The following VPS51 variants were observed in gnomAD, a reference collection of about 807,000 sequenced individuals.
VPS51 encodes the protein vacuolar protein sorting-associated protein 51 homolog.
VPS51 carries 55 observed loss-of-function variants against 65.1 expected under a neutral mutation model. The observed-to-expected ratio is 0.84, with a 90% CI of 0.68 to 1.06. The LOEUF is 1.06. VPS51 is among the 50% of genes least tolerant of loss of function. The pLI, the probability that VPS51 is intolerant of heterozygous loss-of-function variation, is 0.00. For missense variants in VPS51, 943 were observed against 1,101.6 expected, an observed-to-expected ratio of 0.86 and a Z score of 2.04; for synonymous variants, 473 against 489.5, an observed-to-expected ratio of 0.97 and a Z score of 0.44.
chr11:65,109,161 G>A (rs1947869026), intron 5 of VPS51, 119 bp from the exon 6 acceptor site: 2 of 1,187,644 alleles, frequency 1.7e-6, no homozygotes, highest in Admixed American at 5.2e-5. Context: ...TACTTAGAAT[G>A]TAGGATGATG....
At position 65,111,503 on chromosome 11, in the gene VPS51, AGTG is replaced by A. The variant is rs1565319422; in HGVS notation, c.2270_2272del (p.Val757del). On this transcript the variant is annotated inframe_deletion, in exon 10 of 10. Transcript: ENST00000279281. ...AACTCGTGCACTTGCTGCTGGACGAAGTGGTGGCCTCTGCTGCCCTGCGCTGCC... is the reference window on the plus strand; with the variant it reads ...AACTCGTGCACTTGCTGCTGGACGAAGTGGCCTCTGCTGCCCTGCGCTGCC... The A allele has an allele frequency of 6.2e-7, 1 of 1,613,770 alleles. No individual in the cohort carries two copies. The highest frequency in any genetic ancestry group is 1.1e-5 in the South Asian group (1 of 91,090).
At position 65,111,326 on chromosome 11, in the gene VPS51, G is replaced by A; in HGVS notation, c.2089-1G>A. 6.2e-7 allele frequency: 1 copy of A among 1,602,482 alleles called. No homozygotes were observed. The highest frequency in any genetic ancestry group is 8.5e-7 in the Non-Finnish European group (1 of 1,179,696). ...CTGCATCCCTGTGTCCCTGCCTGCAGGTGTCGGTGCTGACCGGCATCATCA... is the reference window on the plus strand; with the variant it reads ...CTGCATCCCTGTGTCCCTGCCTGCAAGTGTCGGTGCTGACCGGCATCATCA... On this transcript the variant is annotated splice_acceptor_variant, in intron 9 of 9. Transcript: ENST00000279281. LOFTEE classifies it high-confidence loss of function.
Position 65,107,278 on chromosome 11 carries a change from G to A in VPS51, c.359-303G>A. The A allele has an allele frequency of 1.8e-6, 1 of 550,710 alleles. No individual in the cohort carries two copies. 34.1% of individuals were successfully genotyped at this position (550,710 alleles called of 1,614,324 possible). On this transcript the variant is annotated intron_variant, in intron 2 of 9. Transcript: ENST00000279281. The surrounding 1 kb of genome is among the most constrained non-coding windows in gnomAD (Gnocchi z 4.0). Reference sequence around the variant, plus strand: ...ATGGAGCAGTTGAGGCACAGTGGTGGCAGCTGGCTAAGCACCTGCGGCCTG... The same window carrying A: ...ATGGAGCAGTTGAGGCACAGTGGTGACAGCTGGCTAAGCACCTGCGGCCTG...
chr11:65,105,371 G>A (rs1196052), intron 2 of VPS51: 135,646 of 151,368 alleles, frequency 0.9, 61,138 homozygotes, highest in Middle Eastern at 0.96. Context: ...CCTGGGCGAC[G>A]GAGGGAGACC....
chr11:65,110,547 C>G lies in VPS51; in HGVS notation c.1944C>G (p.Phe648Leu), dbSNP rs1228872948. 3.7e-6 allele frequency: 6 copies of G among 1,614,060 alleles called. No homozygotes were observed. Among genetic ancestry groups the G allele is most frequent in the Non-Finnish European group, 5.1e-6 (6 of 1,180,008 alleles). Reference sequence around the variant, plus strand: ...GCAGCGACTCCAGCAAGAGGACTTTCTCCGTGTACAGCAGCTCTCGGCAGC... The same window carrying G: ...GCAGCGACTCCAGCAAGAGGACTTTGTCCGTGTACAGCAGCTCTCGGCAGC... ...AQSSDSSKRTFSVYSSSRQQG... is the reference protein window; with the variant it reads ...AQSSDSSKRTLSVYSSSRQQG... Residue 648 changes from phenylalanine to leucine, a missense_variant, in exon 8 of 10, where the codon TTC becomes TTG. Phe to Leu is a conservative substitution (Grantham distance 22). Coordinates refer to ENST00000279281, the MANE Select transcript of VPS51 (RefSeq NM_013265.4).
chr11:65,111,190 T>G lies in VPS51; in HGVS notation c.2089-137T>G, dbSNP rs1420274589. On this transcript the variant is annotated intron_variant, in intron 9 of 9. Coordinates refer to ENST00000279281, the MANE Select transcript of VPS51 (RefSeq NM_013265.4). The stretch of plus-strand genomic sequence containing the variant: ...CGGCGCTAATATTGTATCCCTCCCT[T>G]CTTATCTGGCCCCGGAGACTTTCTG... The G allele has an allele frequency of 3.8e-6, 5 of 1,331,176 alleles. No homozygotes were observed. In the Middle Eastern group the frequency reaches 5.3e-4, roughly 142 times the overall value. The allele number at this position is 1,331,176 out of a possible 1,614,324, so 82.5% of individuals were successfully genotyped here. A position where few individuals can be genotyped will look rare whatever the true frequency, so the allele number is the denominator to read the frequency against.
rs772067181 is a variant in VPS51 at position 65,096,451 on chromosome 11, C to G, written c.201C>G (p.His67Gln). 136 of 1,439,550 alleles carry G rather than the reference C, an allele frequency of 9.4e-5. No individual in the cohort carries two copies. Among genetic ancestry groups the G allele is most frequent in the Non-Finnish European group, 9.8e-5 (107 of 1,086,946 alleles). 89.2% of individuals were successfully genotyped at this position (1,439,550 alleles called of 1,614,324 possible). ...ACCCGACTGATCTGAACGGGGCGCA[C>G]TTCGACCCGGAAGTTTACCTAGACA... ...PLDPTDLNGA[H>Q]FDPEVYLDKL... Residue 67 changes from histidine (H) to glutamine (Q), a missense_variant, in exon 1 of 10, where the codon CAC becomes CAG. Coordinates refer to ENST00000279281, the MANE Select transcript of VPS51 (RefSeq NM_013265.4).
At chr11:65,110,360 C>T (rs1275158770) in intron 7 of VPS51, 122 bp from the exon 8 acceptor site, 2 of 1,535,008 alleles carry the variant, frequency 1.3e-6, no homozygotes, top group Non-Finnish European at 1.8e-6. Context: ...TAGCGGGCCC[C>T]GCGGTGATTA....
At chr11:65,109,128 C>G in intron 5 of VPS51, 152 bp from the exon 6 acceptor site, 1 of 1,048,400 alleles carries the variant, frequency 9.5e-7, no homozygotes, top group African/African-American at 1.6e-5. Flanking sequence ...TCTCTGCCCC[C>G]ACTCAGGGAA....
chr11:65,099,591 T>A (rs1442942598), intron 2 of VPS51, among the ~76,000 whole-genome samples: 1 of 151,170 alleles, frequency 6.6e-6, no homozygotes, highest in East Asian at 1.9e-4. Flanking sequence ...CCCAGGAGTT[T>A]GAGACCAGCC....
intron 9 of VPS51, 167 bp downstream of exon 9, chr11:65,110,948 C>A: frequency 1.3e-6 from 1 of 757,820 alleles, no homozygotes; most frequent in Non-Finnish European, 2.2e-6. Context: ...GAGTGCCCTG[C>A]CTCCAAATCC....
chr11:65,111,078 T>C (rs993785765), intron 9 of VPS51: 14 of 725,422 alleles, frequency 1.9e-5, no homozygotes, highest in Non-Finnish European at 3.1e-5. Context: ...GGGTTTTCTG[T>C]TCACCCATGG....
intron 5 of VPS51, 48 bp downstream of exon 5, chr11:65,108,962 C>G (rs752415010): frequency 6.3e-7 from 1 of 1,589,162 alleles, no homozygotes; most frequent in Non-Finnish European, 8.6e-7. Flanking sequence ...GGTTGACCCT[C>G]CAAAACCTTT....
In VPS51 at chr11:65,107,673, G is replaced by A. The variant is rs1242122125; in HGVS notation, c.451G>A (p.Ala151Thr). ...TNMAVITDFS[A>T]RISATLQDRH... The stretch of plus-strand genomic sequence containing the variant: ...CATGGCAGTGATCACCGACTTCAGC[G>A]CTCGCATCAGCGCCACGCTGCAGGA... Residue 151 changes from alanine (A) to threonine (T), a missense_variant, in exon 3 of 10, where the codon GCT becomes ACT. Ala to Thr is a moderately conservative substitution (Grantham distance 58). Transcript: ENST00000279281. This position sits in a 1 kb window ranked among gnomAD's most constrained non-coding sequence, Gnocchi z 4.0. The A allele has an allele frequency of 5.0e-6, 8 of 1,610,138 alleles. No homozygotes were observed. Among genetic ancestry groups the A allele is most frequent in the Non-Finnish European group, 6.8e-6 (8 of 1,177,470 alleles).
At chr11:65,101,940 C>T (rs191845224) in intron 2 of VPS51, among the ~76,000 whole-genome samples, 27 of 151,938 alleles carry the variant, frequency 1.8e-4, no homozygotes, top group Admixed American at 1.8e-3. Flanking sequence ...CCACCCAGTC[C>T]CCTCCCAAGG....
chr11:65,097,105 C>A lies in VPS51; in HGVS notation c.336C>A (p.Tyr112Ter), dbSNP rs1442905370. The change falls in exon 2 of 10, where the codon TAC (tyrosine) becomes TAA (stop). Residue 112 changes from tyrosine (Y) to a stop codon, truncating the protein, a stop_gained. Coordinates refer to ENST00000279281, the MANE Select transcript of VPS51 (RefSeq NM_013265.4). LOFTEE classifies it high-confidence loss of function. ...TGCAGACCCTGGTCTATGAGAACTA[C>A]AACAAGTTCATCTCAGCCACAGGTG... ...SDMQTLVYEN[Y>*]NKFISATDTI... 1 of 1,613,910 alleles carries A rather than the reference C, an allele frequency of 6.2e-7. No homozygotes were observed. The highest frequency in any genetic ancestry group is 1.7e-5 in the Admixed American group (1 of 60,012).
chr11:65,106,800 C>T (rs939960768), intron 2 of VPS51, among the ~76,000 whole-genome samples: 12 of 149,916 alleles, frequency 8.0e-5, no homozygotes, highest in African/African-American at 2.5e-4. Flanking sequence ...CGTCAGTGAA[C>T]AGTCAGGAAC....
At chr11:65,096,733 G>T in intron 1 of VPS51, 1 of 645,738 alleles carries the variant, frequency 1.5e-6, no homozygotes, top group Non-Finnish European at 2.6e-6. Context: ...AATTGGGGGC[G>T]TGGCCCAAGC....
intron 1 of VPS51, 40 bp downstream of exon 1, chr11:65,096,518 G>GGGGGGGGGTGGGGGC: frequency 2.0e-6 from 1 of 499,406 alleles, no homozygotes; most frequent in Non-Finnish European, 3.7e-6. Flanking sequence ...GGGGAGGGGG[G>GGGGGGGGGTGGGGGC]AAGGGAACCA....
Sources: gnomAD v4.1 joint callset for allele counts (sites outside exome capture counted in the v4.1 genomes callset) on GRCh38, gnomAD v4.1.1 for gene constraint, Gnocchi (gnomAD v3.1) non-coding constraint, MANE v1.5 for transcripts, NCBI Gene and HGNC (gene_info 2026-07-23, HGNC 2026-07-21) for gene names.